DISP1: variants seen among roughly 807,000 people sequenced by gnomAD.
The protein encoded by DISP1 is protein dispatched homolog 1.
In DISP1, 30 loss-of-function variants were observed where a neutral mutation model predicts 37.3. That is an observed-to-expected ratio of 0.80 (90% CI 0.60 to 1.09). The LOEUF (loss-of-function observed/expected upper bound fraction) is 1.09, where lower values mean the gene tolerates loss of function less well. DISP1 is among the 50% of genes least tolerant of loss of function. The pLI is 0.00. For missense variants in DISP1, 1,598 were observed against 1,879.5 expected (o/e 0.85, Z 2.77); for synonymous variants, 634 against 690.2 (o/e 0.92, Z 1.28).
chr1:222,898,712 C>A (rs996689013), intron 1 of DISP1, among the ~76,000 whole-genome samples: 1 of 152,044 alleles, frequency 6.6e-6, no homozygotes, highest in Non-Finnish European at 1.5e-5. Context: ...AAATGTGTCA[C>A]CCACATGACC....
chr1:222,959,959 G>A (rs970369629), intron 3 of DISP1, among the ~76,000 whole-genome samples: 9 of 152,058 alleles, frequency 5.9e-5, no homozygotes, highest in African/African-American at 1.9e-4. Context: ...ACCCAATAAA[G>A]GAGCACCCAG....
intron 1 of DISP1, among the ~76,000 whole-genome samples, chr1:222,914,002 GTTT>G (rs34776955): frequency 6.2e-5 from 8 of 128,714 alleles, no homozygotes; most frequent in Non-Finnish European, 1.0e-4. Context: ...TTTTTTGGTT[GTTT>G]TTTTTTTTTT....
chr1:222,831,613 T>G (rs1665769543), intron 1 of DISP1, among the ~76,000 whole-genome samples: 1 of 152,172 alleles, frequency 6.6e-6, no homozygotes, highest in Non-Finnish European at 1.5e-5. Context: ...GTAGTTCACA[T>G]GAGAGACATT....
chr1:222,842,313 T>TAAAAAAAAAAA (rs1231331032), intron 1 of DISP1, among the ~76,000 whole-genome samples: 1 of 148,818 alleles, frequency 6.7e-6, no homozygotes. Flanking sequence ...CCTGTCATTT[T>TAAAAAAAAAAA]AAAAAAAAAA....
In DISP1 at chr1:222,992,041, CA is replaced by C; in HGVS notation, c.821del (p.His274LeufsTer52). On this transcript the variant is annotated frameshift_variant, in exon 7 of 9. Coordinates refer to ENST00000675850, the MANE Select transcript of DISP1 (RefSeq NM_001377229.1). LOFTEE classifies it high-confidence loss of function. ...TCGGGATGATAGATGGTCAGATGAT[CA>C]TTATGAAAGAGAGAAAAGAGAAGTT... ...SHRDDRWSDD[H>X]YEREKREVDW... The C allele has an allele frequency of 6.2e-7, 1 of 1,613,804 alleles. No homozygotes were observed. Among genetic ancestry groups the C allele is most frequent in the Non-Finnish European group, 8.5e-7 (1 of 1,179,834 alleles).
At chr1:222,902,079 C>A (rs1044835994) in intron 1 of DISP1, among the ~76,000 whole-genome samples, 2 of 146,700 alleles carry the variant, frequency 1.4e-5, no homozygotes, top group African/African-American at 5.1e-5. Context: ...AGCGGTCTAT[C>A]AATTTTGTTG....
At chr1:222,926,320 A>T (rs1673082140) in intron 1 of DISP1, among the ~76,000 whole-genome samples, 1 of 152,208 alleles carries the variant, frequency 6.6e-6, no homozygotes, top group South Asian at 2.1e-4. Flanking sequence ...TCCACTCATC[A>T]GTTAATGGAT....
chr1:222,930,594 C>T (rs1225626548), intron 2 of DISP1, among the ~76,000 whole-genome samples: 1 of 151,878 alleles, frequency 6.6e-6, no homozygotes, highest in African/African-American at 2.4e-5. Context: ...AGGTGCTTAC[C>T]AAAATGATTG....
At chr1:222,988,732 C>G (rs539052974) in intron 4 of DISP1, among the ~76,000 whole-genome samples, 4 of 149,434 alleles carry the variant, frequency 2.7e-5, no homozygotes, top group African/African-American at 9.9e-5. Flanking sequence ...CTGCTCACTG[C>G]AACCTCCGCC....
intron 1 of DISP1, among the ~76,000 whole-genome samples, chr1:222,836,759 A>ATG (rs1489777610): frequency 3.3e-5 from 5 of 149,260 alleles, no homozygotes; most frequent in Non-Finnish European, 7.4e-5. Context: ...ATATATATAT[A>ATG]TATACACACA....
chr1:222,987,005 C>T (rs1319732456), intron 4 of DISP1, among the ~76,000 whole-genome samples: 1 of 151,564 alleles, frequency 6.6e-6, no homozygotes, highest in Admixed American at 6.6e-5. Flanking sequence ...TTCTACTCTA[C>T]ATGTGGTTCA....
intron 3 of DISP1, among the ~76,000 whole-genome samples, chr1:222,963,588 A>G (rs1676225588): frequency 6.6e-6 from 1 of 152,214 alleles, no homozygotes; most frequent in Non-Finnish European, 1.5e-5. Context: ...TGCAGCCATT[A>G]TAAGGAACAA....
intron 1 of DISP1, among the ~76,000 whole-genome samples, chr1:222,830,623 C>G (rs956483908): frequency 6.6e-6 from 1 of 152,150 alleles, no homozygotes; most frequent in Admixed American, 6.5e-5. Context: ...TTCAAGTGAT[C>G]CACCTGCCTC....
intron 3 of DISP1, among the ~76,000 whole-genome samples, chr1:222,971,508 G>A (rs921080553): frequency 1.3e-5 from 2 of 151,490 alleles, no homozygotes; most frequent in African/African-American, 4.8e-5. Flanking sequence ...CAAGATATGT[G>A]GGAAATGAAC....
chr1:222,819,515 T>TAC (rs71175197), intron 1 of DISP1, among the ~76,000 whole-genome samples: 35,331 of 138,932 alleles, frequency 0.25, 4,440 homozygotes, highest in East Asian at 0.27. Flanking sequence ...GTTATATACA[T>TAC]ACACACACAC....
At chr1:222,825,471 A>G (rs1486287044) in intron 1 of DISP1, among the ~76,000 whole-genome samples, 1 of 151,718 alleles carries the variant, frequency 6.6e-6, no homozygotes, top group Admixed American at 6.6e-5. Context: ...ACCTGAGAGA[A>G]CTAAGCCATT....
intron 3 of DISP1, among the ~76,000 whole-genome samples, chr1:222,974,903 A>G (rs540089900): frequency 1.3e-5 from 2 of 152,096 alleles, no homozygotes; most frequent in Non-Finnish European, 2.9e-5. Flanking sequence ...TTTTATTTTC[A>G]AATATTTTCT....
intron 3 of DISP1, among the ~76,000 whole-genome samples, chr1:222,946,755 G>A (rs1350928766): frequency 6.6e-6 from 1 of 152,208 alleles, no homozygotes; most frequent in Non-Finnish European, 1.5e-5. Flanking sequence ...CAGATGGAGA[G>A]AGAATTGAAG....
intron 1 of DISP1, among the ~76,000 whole-genome samples, chr1:222,836,742 A>AATATATATAT (rs67076863): frequency 2.1e-5 from 3 of 144,484 alleles, no homozygotes; most frequent in African/African-American, 7.8e-5. Context: ...AATTAAAAAG[A>AATATATATAT]ATATATATAT....
Sources: allele counts gnomAD v4.1 joint callset (sites outside exome capture counted in the v4.1 genomes callset), GRCh38; gene constraint gnomAD v4.1.1; transcripts MANE v1.5; gene names NCBI Gene and HGNC (gene_info 2026-07-23, HGNC 2026-07-21).